Variants in PTCD3 observed in about 807,000 individuals in gnomAD.
The protein encoded by PTCD3 is pentatricopeptide repeat domain 3.
PTCD3 carries 89 observed loss-of-function variants against 101.9 expected under a neutral mutation model. The observed-to-expected ratio is 0.87, with a 90% confidence interval of 0.74 to 1.04. The LOEUF (loss-of-function observed/expected upper bound fraction) is 1.04, where lower values mean the gene tolerates loss of function less well. Ranked by LOEUF, PTCD3 falls within the 50% of genes least tolerant of loss-of-function variation. The pLI, the probability that PTCD3 is intolerant of heterozygous loss-of-function variation, is 0.00. For missense variants in PTCD3, 870 were observed against 828.2 expected (o/e 1.05, Z -0.62); for synonymous variants, 296 against 278.5 (o/e 1.06, Z -0.63).
At position 86,116,575 on chromosome 2, in the gene PTCD3, A is replaced by G. The variant is rs988293303; in HGVS notation, c.286A>G (p.Met96Val). The G allele has an allele frequency of 1.9e-6, 3 of 1,610,368 alleles. No individual in the cohort carries two copies. The highest frequency in any genetic ancestry group is 2.5e-6 in the Non-Finnish European group (3 of 1,176,566). The change falls in exon 5 of 24, where the codon ATG (methionine) becomes GTG (valine). Residue 96 changes from methionine to valine, a missense_variant. By Grantham distance (21) the Met-to-Val change is conservative. Coordinates refer to ENST00000254630, the MANE Select transcript of PTCD3 (RefSeq NM_017952.6). Reference sequence around the variant, plus strand: ...TGTGTTTCAAGATGATCCTTACCTTATGCCAGCATCATCTTTGGAATCTGT... The same window carrying G: ...TGTGTTTCAAGATGATCCTTACCTTGTGCCAGCATCATCTTTGGAATCTGT... The part of the protein sequence containing the change: ...PYVFQDDPYL[M>V]PASSLESRSF...
intron 8 of PTCD3, among the ~76,000 whole-genome samples, chr2:86,121,837 G>A (rs4832249): frequency 0.72 from 109,914 of 152,140 alleles, 42,101 homozygotes; most frequent in Non-Finnish European, 0.84. Context: ...AAGGCAAAGC[G>A]TTGATCAGAA....
intron 12 of PTCD3, 76 bp downstream of exon 12, chr2:86,125,956 G>T: frequency 9.2e-7 from 1 of 1,083,638 alleles, no homozygotes; most frequent in Non-Finnish European, 1.4e-6. Flanking sequence ...CTGGCCAGGT[G>T]TGGTGGCTCA....
At position 86,130,565 on chromosome 2, in the gene PTCD3, A is replaced by G; in HGVS notation, c.1148-83A>G. The stretch of plus-strand genomic sequence containing the variant: ...TTAGGCTGGAGGTGGAGGAAGGAGA[A>G]ATGTGTCCCTTTGTATTAGGTACAG... On this transcript the variant is annotated intron_variant, in intron 14 of 23. Transcript: ENST00000254630. 4 of 1,525,394 alleles carry G rather than the reference A, an allele frequency of 2.6e-6. No individual in the cohort carries two copies. In the Admixed American group the frequency reaches 8.0e-5, roughly 30 times the overall value. The allele number at this position is 1,525,394 out of a possible 1,614,324, so 94.5% of individuals were successfully genotyped here.
chr2:86,116,563 G>T lies in PTCD3; in HGVS notation c.274G>T (p.Asp92Tyr). The change falls in exon 5 of 24, where the codon GAT becomes TAT. Residue 92 changes from aspartate (D) to tyrosine (Y), a missense_variant. Asp to Tyr is a radical substitution (Grantham distance 160). Coordinates refer to ENST00000254630, the MANE Select transcript of PTCD3 (RefSeq NM_017952.6). ...TTAVPYVFQDDPYLMPASSLE... is the reference protein window; with the variant it reads ...TTAVPYVFQDYPYLMPASSLE... ...AGCTGTGCCTTATGTGTTTCAAGAT[G>T]ATCCTTACCTTATGCCAGCATCATC... The T allele has an allele frequency of 6.2e-7, 1 of 1,610,710 alleles. No individual in the cohort carries two copies. Among genetic ancestry groups the T allele is most frequent in the Non-Finnish European group, 8.5e-7 (1 of 1,176,962 alleles).
chr2:86,108,510 A>G lies in PTCD3; in HGVS notation c.168A>G (p.Glu56=). The G allele has an allele frequency of 6.3e-7, 1 of 1,597,636 alleles. No homozygotes were observed. The highest frequency in any genetic ancestry group is 8.5e-7 in the Non-Finnish European group (1 of 1,175,686). The change falls in exon 3 of 24, where the codon GAA becomes GAG. Residue 56 remains glutamate (E), a synonymous_variant. Coordinates refer to ENST00000254630, the MANE Select transcript of PTCD3 (RefSeq NM_017952.6). The part of the protein sequence containing the change: ...VEGTDVTGIE[E]VVIPKKKTWD... ...TCTTTTTTACATTAGGGATTGAAGA[A>G]GTAGTAATTCCAAAAAAGAAAACTT...
chr2:86,135,948 T>TG (rs1558801018), intron 21 of PTCD3: 1 of 519,068 alleles, frequency 1.9e-6, no homozygotes, highest in African/African-American at 1.9e-5. Flanking sequence ...TCCTTTGTCC[T>TG]GCATGTGGCA....
chr2:86,131,170 C>A, intron 16 of PTCD3, 64 bp downstream of exon 16: 2 of 1,238,642 alleles, frequency 1.6e-6, no homozygotes, highest in South Asian at 1.4e-5. Context: ...CTGGAGGGTT[C>A]TCCCTGGTTC....
chr2:86,137,086 G>A lies in PTCD3; in HGVS notation c.1925G>A (p.Cys642Tyr), dbSNP rs1674599891. 2.5e-6 allele frequency: 4 copies of A among 1,612,144 alleles called. No individual in the cohort carries two copies. The highest frequency in any genetic ancestry group is 3.4e-6 in the Non-Finnish European group (4 of 1,179,434). The change falls in exon 23 of 24, where the codon TGT becomes TAT. Residue 642 changes from cysteine (C) to tyrosine (Y), a missense_variant. Physicochemically the swap from Cys to Tyr is radical, Grantham distance 194. Coordinates refer to ENST00000254630, the MANE Select transcript of PTCD3 (RefSeq NM_017952.6). ...GCAAGTGCCTTCAGCTTACCTATTTGTGAGGGCCTCACCCAGAGAGTAATG... is the reference window on the plus strand; with the variant it reads ...GCAAGTGCCTTCAGCTTACCTATTTATGAGGGCCTCACCCAGAGAGTAATG... ...ELASAFSLPI[C>Y]EGLTQRVMSD...
intron 1 of PTCD3, 53 bp downstream of exon 1, chr2:86,106,404 T>G: frequency 6.5e-7 from 1 of 1,548,902 alleles, no homozygotes; most frequent in Non-Finnish European, 8.8e-7. Flanking sequence ...ACCTTAGTCC[T>G]ATGTTTCCCA....
chr2:86,108,859 TATG>T (rs1674019364), intron 3 of PTCD3: 1 of 258,340 alleles, frequency 3.9e-6, no homozygotes, highest in Non-Finnish European at 7.3e-6. Flanking sequence ...AGTTCTCTCA[TATG>T]ATTCAAGAGC....
At chr2:86,120,376 G>A (rs1674259795) in intron 7 of PTCD3, among the ~76,000 whole-genome samples, 1 of 152,120 alleles carries the variant, frequency 6.6e-6, no homozygotes, top group Admixed American at 6.5e-5. Context: ...AAAACACTGT[G>A]CTAGCCATTT....
At position 86,134,955 on chromosome 2, in the gene PTCD3, C is replaced by T; in HGVS notation, c.1746C>T (p.Leu582=). The change falls in exon 21 of 24, where the codon CTC becomes CTT. Residue 582 remains leucine, a synonymous_variant. Coordinates refer to ENST00000254630, the MANE Select transcript of PTCD3 (RefSeq NM_017952.6). ...PATSLNCIAI[L]FLRAGRTQEA... ...CCTCTCTCAACTGTATAGCTATCCT[C>T]TTTTTAAGGGCTGGGAGAACTCAGG... 6.2e-7 allele frequency: 1 copy of T among 1,614,114 alleles called. No homozygotes were observed. Among genetic ancestry groups the T allele is most frequent in the Non-Finnish European group, 8.5e-7 (1 of 1,179,980 alleles).
At chr2:86,121,722 C>A in intron 8 of PTCD3, 128 bp downstream of exon 8, 1 of 530,750 alleles carries the variant, frequency 1.9e-6, no homozygotes, top group Non-Finnish European at 3.3e-6. Context: ...ATGTGTGGTA[C>A]GATAGCCTTG....
chr2:86,118,798 A>G (rs1379357830), intron 6 of PTCD3, 123 bp from the exon 7 acceptor site: 1 of 1,092,596 alleles, frequency 9.2e-7, no homozygotes, highest in Non-Finnish European at 1.3e-6. Context: ...CTGGTGCAGG[A>G]AACATGAATT....
chr2:86,116,459 T>G (rs1363544235), intron 4 of PTCD3, 71 bp from the exon 5 acceptor site: 3 of 1,239,158 alleles, frequency 2.4e-6, no homozygotes, highest in Non-Finnish European at 2.4e-6. Flanking sequence ...ATCCCTTGAG[T>G]CCAGGAGCTA....
chr2:86,117,725 C>A (rs1405101767), intron 6 of PTCD3, among the ~76,000 whole-genome samples: 1 of 152,114 alleles, frequency 6.6e-6, no homozygotes, highest in Non-Finnish European at 1.5e-5. Context: ...CCTCTGCAAT[C>A]TCTGGGATTG....
At chr2:86,136,802 T>C (rs180824825) in intron 22 of PTCD3, 180 bp from the exon 23 acceptor site, 2 of 838,892 alleles carry the variant, frequency 2.4e-6, no homozygotes, top group Admixed American at 2.2e-5. Flanking sequence ...ATGTTGATAA[T>C]CCATTTGGCC....
intron 3 of PTCD3, 95 bp downstream of exon 3, chr2:86,108,631 A>C: frequency 8.1e-7 from 1 of 1,228,156 alleles, no homozygotes; most frequent in Non-Finnish European, 1.1e-6. Context: ...CAGGAAGAGC[A>C]ATAGGAGAGC....
chr2:86,130,867 A>G, intron 15 of PTCD3, 130 bp downstream of exon 15: 2 of 1,444,610 alleles, frequency 1.4e-6, no homozygotes, highest in Non-Finnish European at 1.8e-6. Flanking sequence ...AAATTTGAGT[A>G]CATAGTAGGT....
Sources: allele counts gnomAD v4.1 joint callset (sites outside exome capture counted in the v4.1 genomes callset), GRCh38; gene constraint gnomAD v4.1.1; transcripts MANE v1.5; gene names NCBI Gene and HGNC (gene_info 2026-07-23, HGNC 2026-07-21).